Variants in SDK1 observed in about 807,000 individuals in gnomAD.
SDK1 encodes the protein protein sidekick-1.
SDK1 carries 157 observed loss-of-function variants against 245.5 expected under a neutral mutation model. The ratio of observed to expected loss-of-function variants is 0.64; its 90% CI spans 0.56 to 0.73. The LOEUF (loss-of-function observed/expected upper bound fraction) is 0.73. Among genes scored for constraint, SDK1 ranks in the 30% least tolerant of loss-of-function variants. The probability of loss-of-function intolerance (pLI) is 0.00; values close to 1 mark genes in which losing one functional copy is unlikely to be tolerated. For missense variants in SDK1, 3,583 were observed against 3,002.3 expected (o/e 1.19, Z -4.52); for synonymous variants, 1,647 against 1,278.5 (o/e 1.29, Z -6.15).
intron 9 of SDK1, among the ~76,000 whole-genome samples, chr7:3,964,361 T>A (rs542630391): frequency 3.3e-5 from 5 of 152,292 alleles, no homozygotes; most frequent in Admixed American, 6.5e-5. Context: ...CCCTCCTCTT[T>A]CTTGAGGAGA....
chr7:3,924,569 G>A (rs1051878490), intron 5 of SDK1, among the ~76,000 whole-genome samples: 2 of 152,120 alleles, frequency 1.3e-5, no homozygotes, highest in African/African-American at 2.4e-5. Context: ...TTTGGGTCTC[G>A]TACGTTATCA....
intron 30 of SDK1, among the ~76,000 whole-genome samples, chr7:4,157,394 G>A (rs1374103202): frequency 3.6e-5 from 3 of 83,858 alleles, no homozygotes; most frequent in African/African-American, 2.2e-4. Flanking sequence ...GGAATGAGGG[G>A]AGGGAGGGAG....
chr7:4,247,482 T>G (rs897351426), intron 44 of SDK1, among the ~76,000 whole-genome samples: 5 of 152,216 alleles, frequency 3.3e-5, no homozygotes, highest in African/African-American at 1.2e-4. Context: ...AAGAAAAAGC[T>G]TATCAGAAGC....
At chr7:4,068,411 G>C (rs972637536) in intron 20 of SDK1, among the ~76,000 whole-genome samples, 1 of 152,152 alleles carries the variant, frequency 6.6e-6, no homozygotes, top group Non-Finnish European at 1.5e-5. Flanking sequence ...AGCCTTCTCA[G>C]ACACAGCCAG....
intron 5 of SDK1, among the ~76,000 whole-genome samples, chr7:3,902,491 A>T (rs1374350109): frequency 1.3e-5 from 2 of 152,214 alleles, no homozygotes; most frequent in African/African-American, 4.8e-5. Context: ...TGTCTCATTA[A>T]GGGTTACAGT....
At chr7:3,826,468 A>T (rs138926967) in intron 5 of SDK1, among the ~76,000 whole-genome samples, 1 of 152,136 alleles carries the variant, frequency 6.6e-6, no homozygotes, top group African/African-American at 2.4e-5. Context: ...TCTACTAACG[A>T]CACAAGTGTT....
chr7:3,981,024 C>T (rs1464809130), intron 13 of SDK1, among the ~76,000 whole-genome samples: 1 of 152,064 alleles, frequency 6.6e-6, no homozygotes, highest in East Asian at 1.9e-4. Context: ...TCAGGTATTG[C>T]ACGTTTGTTT....
At chr7:3,427,315 T>A (rs1315694752) in intron 1 of SDK1, among the ~76,000 whole-genome samples, 1 of 152,112 alleles carries the variant, frequency 6.6e-6, no homozygotes, top group Non-Finnish European at 1.5e-5. Flanking sequence ...GGTCAGGAGT[T>A]CGAGACCAGC....
chr7:4,008,529 T>C (rs1475333265), intron 14 of SDK1, among the ~76,000 whole-genome samples: 1 of 152,204 alleles, frequency 6.6e-6, no homozygotes, highest in Non-Finnish European at 1.5e-5. Flanking sequence ...CTAATCCCGG[T>C]TGGCTGAACC....
chr7:3,482,897 A>C (rs1249749984), intron 1 of SDK1, among the ~76,000 whole-genome samples: 1 of 152,244 alleles, frequency 6.6e-6, no homozygotes, highest in East Asian at 1.9e-4. Context: ...CCTGACACGT[A>C]ATAAGTGCTA....
chr7:3,453,121 A>G (rs1427852767), intron 1 of SDK1, among the ~76,000 whole-genome samples: 2 of 151,942 alleles, frequency 1.3e-5, no homozygotes, highest in Admixed American at 1.3e-4. Flanking sequence ...TAGAACTTTG[A>G]GCAGTTTAAC....
chr7:3,973,169 C>T (rs1322213807), intron 12 of SDK1, among the ~76,000 whole-genome samples: 1 of 152,174 alleles, frequency 6.6e-6, no homozygotes, highest in Admixed American at 6.5e-5. Flanking sequence ...CTGAGGAGCG[C>T]CAGGCTGTAA....
At chr7:3,452,296 G>T (rs1221997477) in intron 1 of SDK1, among the ~76,000 whole-genome samples, 6 of 152,136 alleles carry the variant, frequency 3.9e-5, no homozygotes, top group Admixed American at 6.5e-5. Context: ...GGCTTTATGT[G>T]TTGCCTTTGC....
At chr7:3,641,084 G>T (rs1583260035) in intron 3 of SDK1, among the ~76,000 whole-genome samples, 1 of 151,824 alleles carries the variant, frequency 6.6e-6, no homozygotes, top group South Asian at 2.1e-4. Context: ...TGTTTTGTTG[G>T]TTTGTTTCAT....
intron 19 of SDK1, among the ~76,000 whole-genome samples, chr7:4,058,157 A>G (rs1779314405): frequency 1.3e-5 from 2 of 152,206 alleles, no homozygotes; most frequent in African/African-American, 2.4e-5. Flanking sequence ...AAATAATCCA[A>G]AAAACATTTC....
intron 4 of SDK1, among the ~76,000 whole-genome samples, chr7:3,672,639 A>C (rs973798456): frequency 2.9e-4 from 41 of 140,262 alleles, no homozygotes; most frequent in Non-Finnish European, 5.3e-4. Context: ...TATATATTAA[A>C]TATATATTAA....
At chr7:4,022,601 T>C (rs892161406) in intron 17 of SDK1, among the ~76,000 whole-genome samples, 2 of 152,052 alleles carry the variant, frequency 1.3e-5, no homozygotes, top group Non-Finnish European at 2.9e-5. Context: ...GGAGAAGCTG[T>C]CTGCTGCAGG....
At chr7:3,981,259 T>G (rs962056401) in intron 13 of SDK1, among the ~76,000 whole-genome samples, 4 of 152,304 alleles carry the variant, frequency 2.6e-5, no homozygotes, top group African/African-American at 9.6e-5. Context: ...GCCACGCCGA[T>G]GTTAAGATGG....
At chr7:3,450,649 G>C (rs1780486051) in intron 1 of SDK1, among the ~76,000 whole-genome samples, 1 of 152,182 alleles carries the variant, frequency 6.6e-6, no homozygotes, top group Non-Finnish European at 1.5e-5. Context: ...GAGGCTTTTA[G>C]GGTTTTGTGG....
Sources: gnomAD v4.1 joint callset for allele counts (sites outside exome capture counted in the v4.1 genomes callset) on GRCh38, gnomAD v4.1.1 for gene constraint, MANE v1.5 for transcripts, NCBI Gene and HGNC (gene_info 2026-07-23, HGNC 2026-07-21) for gene names.